Variants in CNBD1 observed in about 807,000 individuals in gnomAD.
The protein encoded by CNBD1 is cyclic nucleotide binding domain containing 1, also known as cyclic nucleotide-binding domain-containing protein 1.
Under a neutral mutation model 54.4 loss-of-function variants are expected in CNBD1, and 71 were observed. The observed-to-expected ratio is 1.30, with a 90% CI of 1.08 to 1.59. CNBD1 has a LOEUF of 1.59. Ranked by LOEUF, CNBD1 falls within the 40% of genes most tolerant of loss-of-function variation. The pLI is 0.00. For missense variants in CNBD1, 659 were observed against 518.0 expected (o/e 1.27, Z -2.64); for synonymous variants, 182 against 170.7 (o/e 1.07, Z -0.51).
At chr8:87,385,527 A>T (rs1563581224), downstream of CNBD1, among the ~76,000 whole-genome samples, 2 of 152,046 alleles carry the variant, frequency 1.3e-5, no homozygotes, top group Non-Finnish European at 2.9e-5. Flanking sequence ...TTGCTAGCAC[A>T]GCAGTCTGAG....
intron 8 of CNBD1, among the ~76,000 whole-genome samples, chr8:87,294,957 A>AT (rs777610397): frequency 3.8e-4 from 58 of 151,092 alleles, no homozygotes; most frequent in African/African-American, 8.2e-4. Context: ...TTCTGTGACA[A>AT]TTTTTTTTTA....
intron 2 of CNBD1, among the ~76,000 whole-genome samples, chr8:86,889,671 AGG>A (rs1563811800): frequency 1.3e-5 from 2 of 152,044 alleles, no homozygotes; most frequent in African/African-American, 4.8e-5. Flanking sequence ...TTAATAACAA[AGG>A]GGGGATGATA....
chr8:87,320,349 A>G (rs540820939), intron 8 of CNBD1, among the ~76,000 whole-genome samples: 4 of 152,114 alleles, frequency 2.6e-5, no homozygotes, highest in South Asian at 4.1e-4. Context: ...AACAAGTAAT[A>G]AGATACAGTT....
intron 4 of CNBD1, among the ~76,000 whole-genome samples, chr8:87,105,195 CT>C: frequency 6.6e-6 from 1 of 152,138 alleles, no homozygotes; most frequent in Admixed American, 6.5e-5. Flanking sequence ...TACCAGTTAG[CT>C]TAGGATAACT....
chr8:87,007,618 G>T (rs1409587478), intron 4 of CNBD1, among the ~76,000 whole-genome samples: 4 of 151,838 alleles, frequency 2.6e-5, no homozygotes, highest in Non-Finnish European at 5.9e-5. Flanking sequence ...TTCCCATCTT[G>T]ATTTTAATTT....
intron 4 of CNBD1, among the ~76,000 whole-genome samples, chr8:87,127,234 A>G (rs574355269): frequency 2.6e-5 from 4 of 152,228 alleles, no homozygotes; most frequent in Admixed American, 2.6e-4. Flanking sequence ...TTCAATTTGT[A>G]GATCAATTTT....
At chr8:87,406,314 C>G (rs1439189201) in intron 2 of CNBD1, among the ~76,000 whole-genome samples, 1 of 151,868 alleles carries the variant, frequency 6.6e-6, no homozygotes, top group Non-Finnish European at 1.5e-5. Context: ...TAGAAAAAAG[C>G]TACTATAAAT....
chr8:87,008,270 C>T (rs1024135698), intron 4 of CNBD1, among the ~76,000 whole-genome samples: 2 of 152,130 alleles, frequency 1.3e-5, no homozygotes, highest in Non-Finnish European at 2.9e-5. Flanking sequence ...AATCTATTTA[C>T]ATTAGTTTCT....
chr8:87,189,552 G>A (rs1156302037), intron 4 of CNBD1, among the ~76,000 whole-genome samples: 1 of 151,972 alleles, frequency 6.6e-6, no homozygotes, highest in African/African-American at 2.4e-5. Context: ...AACAACAAAA[G>A]GAAGCATGTA....
intron 4 of CNBD1, among the ~76,000 whole-genome samples, chr8:86,968,832 G>A (rs1014905224): frequency 6.6e-6 from 1 of 152,166 alleles, no homozygotes; most frequent in East Asian, 1.9e-4. Context: ...GAAGCAATCA[G>A]ATACGCATTT....
At chr8:87,303,836 C>T (rs887893453) in intron 8 of CNBD1, among the ~76,000 whole-genome samples, 10 of 151,962 alleles carry the variant, frequency 6.6e-5, no homozygotes, top group African/African-American at 2.4e-4. Flanking sequence ...AGGATATGAA[C>T]AGACACTTCT....
At chr8:87,364,969 T>TAAAAGAA (rs1810612235) in intron 10 of CNBD1, among the ~76,000 whole-genome samples, 1 of 152,092 alleles carries the variant, frequency 6.6e-6, no homozygotes, top group African/African-American at 2.4e-5. Context: ...GCATGTGTCT[T>TAAAAGAA]TATAATAGAA....
intron 4 of CNBD1, among the ~76,000 whole-genome samples, chr8:87,136,494 A>AT (rs914152713): frequency 1.5e-5 from 2 of 133,562 alleles, no homozygotes; most frequent in Non-Finnish European, 3.1e-5. Context: ...TTATTTATTG[A>AT]TTTTTTTACT....
chr8:87,289,401 TAA>T (rs1808748744), intron 8 of CNBD1, among the ~76,000 whole-genome samples: 1 of 152,144 alleles, frequency 6.6e-6, no homozygotes, highest in Admixed American at 6.6e-5. Context: ...TCACATCGGC[TAA>T]AGTCTTCCCA....
chr8:87,409,962 G>T (rs1343088478), intron 2 of CNBD1, among the ~76,000 whole-genome samples: 1 of 151,986 alleles, frequency 6.6e-6, no homozygotes, highest in Non-Finnish European at 1.5e-5. Context: ...GAGGGAGGTT[G>T]TAGTGAGCCG....
intron 3 of CNBD1, among the ~76,000 whole-genome samples, chr8:86,931,903 G>A (rs1014585188): frequency 2.6e-5 from 4 of 152,146 alleles, no homozygotes; most frequent in Non-Finnish European, 5.9e-5. Flanking sequence ...GGACATCATT[G>A]AATAATTCAT....
intron 3 of CNBD1, among the ~76,000 whole-genome samples, chr8:86,907,129 A>G (rs1301362525): frequency 2.0e-5 from 3 of 152,214 alleles, no homozygotes; most frequent in Non-Finnish European, 4.4e-5. Flanking sequence ...TCATCGTCAC[A>G]CATCATGTAA....
At chr8:86,949,960 T>TTTTG (rs1563833535) in intron 4 of CNBD1, among the ~76,000 whole-genome samples, 3 of 130,610 alleles carry the variant, frequency 2.3e-5, no homozygotes, top group Non-Finnish European at 1.6e-5. Flanking sequence ...TTTTTTTTTT[T>TTTTG]TTTTTTTTTT....
At chr8:86,988,998 G>A (rs758705878) in intron 4 of CNBD1, among the ~76,000 whole-genome samples, 4 of 152,150 alleles carry the variant, frequency 2.6e-5, no homozygotes, top group Non-Finnish European at 5.9e-5. Context: ...CACAGGGAAT[G>A]ATGGCTCATA....
Sources: allele counts gnomAD v4.1 joint callset (sites outside exome capture counted in the v4.1 genomes callset), GRCh38; gene constraint gnomAD v4.1.1; transcripts MANE v1.5; gene names NCBI Gene and HGNC (gene_info 2026-07-23, HGNC 2026-07-21).